Variants in SYNE2 observed in about 807,000 individuals in gnomAD.
The protein encoded by SYNE2 is spectrin repeat containing nuclear envelope protein 2, also known as nesprin-2.
A neutral mutation model predicts 856.3 loss-of-function variants in SYNE2; 431 were observed. The ratio of observed to expected loss-of-function variants is 0.50; its 90% CI spans 0.47 to 0.55. The LOEUF is 0.55. Among genes scored for constraint, SYNE2 ranks in the 20% least tolerant of loss-of-function variants. SYNE2 has a pLI of 0.00. For synonymous variants in SYNE2, 2,923 were observed against 2,872.3 expected, an observed-to-expected ratio of 1.02 and a Z score of -0.56; for missense variants, 8,129 against 8,023.2, an observed-to-expected ratio of 1.01 and a Z score of -0.50.
intron 19 of SYNE2, 147 bp downstream of exon 19, chr14:63,986,764 T>A: frequency 1.1e-6 from 1 of 894,910 alleles, no homozygotes; most frequent in Non-Finnish European, 1.7e-6. Flanking sequence ...ATTTTATCCC[T>A]GGATCATTTG....
chr14:64,160,405 T>C (rs906089086), intron 87 of SYNE2, among the ~76,000 whole-genome samples: 2 of 152,210 alleles, frequency 1.3e-5, no homozygotes, highest in African/African-American at 4.8e-5. Flanking sequence ...AGTAGTTACC[T>C]CTAGATAAAT....
Position 64,051,661 on chromosome 14 carries a change from A to G in SYNE2, c.7748A>G (p.Asn2583Ser), listed in dbSNP as rs377672649. Residue 2583 changes from asparagine (N) to serine (S), a missense_variant, in exon 48 of 116, where the codon AAT becomes AGT. By Grantham distance (46) the Asn-to-Ser change is conservative. This residue lies in a region of SYNE2 where 5,410 missense variants were observed against 5,284.8 expected (regional missense o/e 1.02). Transcript: ENST00000555002. The stretch of plus-strand genomic sequence containing the variant: ...GGCAACTTGAAAATCAAATGGGAGA[A>G]TTTATCAAACCACGTGACTGACATG... ...SLGNLKIKWE[N>S]LSNHVTDMDK... 5.6e-6 allele frequency: 9 copies of G among 1,614,222 alleles called. No homozygotes were observed. In the African/African-American group the frequency reaches 1.2e-4, roughly 22 times the overall value.
intron 107 of SYNE2, 150 bp downstream of exon 107, chr14:64,215,504 C>T (rs1382394819): frequency 2.4e-6 from 2 of 825,346 alleles, no homozygotes; most frequent in Non-Finnish European, 4.2e-6. Flanking sequence ...CACTGCCGTA[C>T]TCACCCATAA....
At chr14:63,928,319 G>A (rs1309947019) in intron 2 of SYNE2, among the ~76,000 whole-genome samples, 2 of 152,182 alleles carry the variant, frequency 1.3e-5, no homozygotes, top group Non-Finnish European at 1.5e-5. Context: ...TAGTGATAAC[G>A]TAAATTCTTC....
chr14:64,138,114 G>C (rs1040684791), intron 79 of SYNE2, 131 bp downstream of exon 79: 13 of 1,000,708 alleles, frequency 1.3e-5, no homozygotes, highest in Non-Finnish European at 2.0e-5. Context: ...AAAGCAGTTG[G>C]GTCCCTCTTC....
chr14:64,215,519 G>A (rs766495890), intron 107 of SYNE2, 165 bp downstream of exon 107: 5 of 758,886 alleles, frequency 6.6e-6, no homozygotes, highest in South Asian at 4.3e-5. Flanking sequence ...CCATAACTGC[G>A]TGCTCCTTAC....
At chr14:64,214,113 A>G (rs2140243594) in intron 105 of SYNE2, 81 bp from the exon 106 acceptor site, 3 of 1,607,892 alleles carry the variant, frequency 1.9e-6, no homozygotes, top group Non-Finnish European at 2.6e-6. Flanking sequence ...GGAAACTGCT[A>G]GATAGGCAGA....
At chr14:64,129,642 G>C in intron 74 of SYNE2, 140 bp from the exon 75 acceptor site, 1 of 1,195,344 alleles carries the variant, frequency 8.4e-7, no homozygotes, top group East Asian at 2.6e-5. Flanking sequence ...GTTAAGGAGA[G>C]CAGGAGGTGA....
chr14:63,797,662 G>A (rs568751354), intron 1 of SYNE2, among the ~76,000 whole-genome samples: 11 of 152,250 alleles, frequency 7.2e-5, no homozygotes, highest in South Asian at 2.1e-4. Context: ...GCCTGGTCTC[G>A]AACTCCTGAC....
Position 64,044,066 on chromosome 14 carries a change from A to T in SYNE2, c.7222-3934A>T, listed in dbSNP as rs189943044. On this transcript the variant is annotated intron_variant, in intron 45 of 115. Transcript: ENST00000555002. ...ACCCCAGAATGGTAGATCCACTGAC[A>T]GCTTGCACTATTTGCCTGGAAAAGC... is the stretch of plus-strand genomic sequence containing the variant. 5.6e-4 allele frequency among the ~76,000 whole-genome samples: 86 copies of T among 152,354 alleles called. 3 individuals are homozygous for T. The East Asian group carries it at 0.014, about 24-fold the overall frequency.
chr14:64,110,588 ACCC>A (rs11315645), intron 65 of SYNE2, among the ~76,000 whole-genome samples: 4,919 of 75,470 alleles, frequency 0.065, 303 homozygotes, highest in African/African-American at 0.075. Context: ...TACTTTTTAC[ACCC>A]CCCCCCCCCC....
intron 57 of SYNE2, among the ~76,000 whole-genome samples, chr14:64,082,631 AGCTCCAGATG>A (rs1203809960): frequency 3.3e-5 from 5 of 152,190 alleles, no homozygotes; most frequent in Admixed American, 2.0e-4. Flanking sequence ...GAGAACCCCA[AGCTCCAGATG>A]GCACCGGACT....
At chr14:64,113,684 C>A (rs541232016) in intron 66 of SYNE2, 113 bp downstream of exon 66, 3 of 1,174,168 alleles carry the variant, frequency 2.6e-6, no homozygotes, top group South Asian at 1.3e-5. Context: ...CTGACCCTTA[C>A]ATTTATCTTG....
chr14:63,777,252 T>C (rs1240025012), intron 1 of SYNE2, among the ~76,000 whole-genome samples: 5 of 152,246 alleles, frequency 3.3e-5, no homozygotes, highest in East Asian at 1.9e-4. Context: ...CAGAGGACAG[T>C]CTTGCAATTC....
chr14:64,090,050 A>G (rs181162577), intron 59 of SYNE2, among the ~76,000 whole-genome samples: 1 of 152,300 alleles, frequency 6.6e-6, no homozygotes, highest in Admixed American at 6.5e-5. Context: ...GGTACTGAGG[A>G]GATTACATTG....
chr14:63,861,145 T>G (rs1445067909), intron 1 of SYNE2, among the ~76,000 whole-genome samples: 3 of 19,364 alleles, frequency 1.5e-4, no homozygotes, highest in East Asian at 9.2e-4. Flanking sequence ...TACCACATTG[T>G]TTTTTTTTTT....
chr14:63,905,774 T>C (rs1015270005), intron 1 of SYNE2, among the ~76,000 whole-genome samples: 5 of 152,208 alleles, frequency 3.3e-5, no homozygotes. Context: ...CTTTTCCTAT[T>C]TGGATGCCTT....
Position 64,053,558 on chromosome 14 carries a change from AAG to A in SYNE2, c.9649_9650del (p.Glu3217ArgfsTer5), listed in dbSNP as rs777506083. ...IKAVTAIEKQREENSSEASDV... is the reference protein window; with the variant it reads ...IKAVTAIEKQXEENSSEASDV... The stretch of plus-strand genomic sequence containing the variant: ...AAGCTGTGACTGCTATTGAGAAACA[AAG>A]AGAAGAAAACTCTTCTGAAGCGAGT... On this transcript the variant is annotated frameshift_variant, in exon 48 of 116. Coordinates refer to ENST00000555002, the MANE Select transcript of SYNE2 (RefSeq NM_182914.3). LOFTEE classifies it high-confidence loss of function. 1.2e-6 allele frequency: 2 copies of A among 1,614,082 alleles called. No individual in the cohort carries two copies. The highest frequency in any genetic ancestry group is 1.3e-5 in the African/African-American group (1 of 74,950).
In SYNE2 at chr14:64,017,721, C is replaced by A. The variant is rs557616068; in HGVS notation, c.5014C>A (p.His1672Asn). 6.2e-7 allele frequency: 1 copy of A among 1,613,716 alleles called. No individual in the cohort carries two copies. Among genetic ancestry groups the A allele is most frequent in the South Asian group, 1.1e-5 (1 of 91,072 alleles). Residue 1672 changes from histidine to asparagine, a missense_variant, in exon 34 of 116, where the codon CAT becomes AAT. His to Asn is a moderately conservative substitution (Grantham distance 68). This residue lies in a region of SYNE2 where 2,422 missense variants were observed against 2,357.4 expected (regional missense o/e 1.03). Coordinates refer to ENST00000555002, the MANE Select transcript of SYNE2 (RefSeq NM_182914.3). ...AAAGGCCCTTCAAAAAATGGAATTA[C>A]ATCAATTGACTGAAGAGGACAGAGA... ...TEKALQKMEL[H>N]QLTEEDRERL...
Sources: gnomAD v4.1 joint callset for allele counts (sites outside exome capture counted in the v4.1 genomes callset) on GRCh38, gnomAD v4.1.1 for gene constraint, gnomAD v4.1.1 regional missense constraint, MANE v1.5 for transcripts, NCBI Gene and HGNC (gene_info 2026-07-23, HGNC 2026-07-21) for gene names.